BFSP1: variants seen among roughly 807,000 people sequenced by gnomAD.
The protein encoded by BFSP1 is beaded filament structural protein 1, also known as filensin.
A neutral mutation model predicts 43.9 loss-of-function variants in BFSP1; 38 were observed. The ratio of observed to expected loss-of-function variants is 0.87; its 90% CI spans 0.67 to 1.14. The LOEUF (loss-of-function observed/expected upper bound fraction) is 1.14. BFSP1 is among the 50% of genes most tolerant of loss of function. The pLI is 0.00. For synonymous variants in BFSP1, 352 were observed against 354.8 expected, an observed-to-expected ratio of 0.99 and a Z score of 0.09; for missense variants, 850 against 875.1, an observed-to-expected ratio of 0.97 and a Z score of 0.36.
intron 1 of BFSP1, among the ~76,000 whole-genome samples, chr20:17,564,954 T>TG (rs1435998819): frequency 1.4e-5 from 2 of 146,660 alleles, no homozygotes; most frequent in Non-Finnish European, 3.0e-5. Context: ...TTTTTTGAGA[T>TG]GGAGTCTCAC....
rs909260121 is a variant in BFSP1, at chr20:17,543,632, A to G, written c.2+15056T>C. On this transcript the variant is annotated intron_variant, in intron 1 of 7. Coordinates refer to the BFSP1 transcript ENST00000377868. ...AATGCAGACTCATCCAAGTTATGCA[A>G]CATTATTACTGTTGATAGGTTACAA... is the stretch of plus-strand genomic sequence containing the variant. Among the ~76,000 whole-genome samples, 8 of 152,216 alleles carry G rather than the reference A, an allele frequency of 5.3e-5. 1 individual carries two copies. Among genetic ancestry groups the G allele is most frequent in the Admixed American group, 1.3e-4 (2 of 15,272 alleles).
chr20:17,529,954 C>CT (rs537524225), intron 1 of BFSP1, among the ~76,000 whole-genome samples: 224 of 152,220 alleles, frequency 1.5e-3, no homozygotes, highest in Non-Finnish European at 2.4e-3. Context: ...CAAATTGCAT[C>CT]TTTTTTTTAA....
intron 2 of BFSP1, chr20:17,517,351 A>AAAAC (rs769736044): frequency 2.0e-6 from 2 of 988,250 alleles, no homozygotes; most frequent in South Asian, 1.3e-5. Context: ...CAAACAAAAC[A>AAAAC]AAACAAACAA....
intron 5 of BFSP1, 70 bp downstream of exon 5, chr20:17,508,819 G>C: frequency 2.2e-6 from 3 of 1,351,412 alleles, no homozygotes; most frequent in Non-Finnish European, 3.0e-6. Flanking sequence ...CTGCATGCGT[G>C]TGCCTGCGCG....
chr20:17,551,263 T>G (rs2034891609), intron 1 of BFSP1, among the ~76,000 whole-genome samples: 1 of 152,128 alleles, frequency 6.6e-6, no homozygotes, highest in Non-Finnish European at 1.5e-5. Context: ...GAGTTTTTAC[T>G]CATGGTAGAA....
chr20:17,503,358 C>A (rs984921518), intron 5 of BFSP1, among the ~76,000 whole-genome samples: 2 of 152,172 alleles, frequency 1.3e-5, no homozygotes, highest in African/African-American at 4.8e-5. Context: ...TTGAAATCTT[C>A]CATAATAAAG....
Position 17,531,018 on chromosome 20 carries a change from G to C in BFSP1, c.312C>G (p.Ala104=). 1 of 1,431,156 alleles carries C rather than the reference G, an allele frequency of 7.0e-7. No individual in the cohort carries two copies. Among genetic ancestry groups the C allele is most frequent in the Non-Finnish European group, 9.1e-7 (1 of 1,096,562 alleles). 88.7% of individuals were successfully genotyped at this position (1,431,156 alleles called of 1,614,324 possible). ...CCTGGCGCTCCAGCCGGGCGCGCTC[G>C]GCCTCCAGGTCCCGGACGCGCTGGC... ...SNRQRVRDLE[A]ERARLERQGT... Residue 104 remains alanine (A), a synonymous_variant, in exon 1 of 8, where the codon GCC becomes GCG. Transcript: ENST00000377873.
At chr20:17,509,248 A>ACCCCC (rs1488015295) in intron 4 of BFSP1, among the ~76,000 whole-genome samples, 199 of 67,098 alleles carry the variant, frequency 3.0e-3, no homozygotes, top group African/African-American at 7.4e-3. Context: ...CAGAGCCCCC[A>ACCCCC]CCCCCACCCC....
rs1291046498 is a variant in BFSP1, at chr20:17,541,143, T to C, written c.3-16235A>G. The C allele has an allele frequency of 8.0e-6, 4 of 502,874 alleles. No individual in the cohort carries two copies. The Admixed American group carries it at 1.9e-4, about 24-fold the overall frequency. 31.2% of individuals were successfully genotyped at this position (502,874 alleles called of 1,614,324 possible). On this transcript the variant is annotated intron_variant, in intron 1 of 7. Transcript: ENST00000377868. ...AGTTCAAGGCTGCAGTGAGCAATGA[T>C]CATTCCTGTGAATAGCCACTGCACC...
At chr20:17,548,484 T>A (rs2123575807) in intron 1 of BFSP1, among the ~76,000 whole-genome samples, 1 of 152,314 alleles carries the variant, frequency 6.6e-6, no homozygotes, top group African/African-American at 2.4e-5. Flanking sequence ...CACAAATTTA[T>A]CTGTTCCTGC....
chr20:17,514,710 G>A lies in BFSP1; in HGVS notation c.534+11C>T, dbSNP rs2034159822. 9 of 1,613,140 alleles carry A rather than the reference G, an allele frequency of 5.6e-6. No individual in the cohort carries two copies. Among genetic ancestry groups the A allele is most frequent in the Non-Finnish European group, 6.8e-6 (8 of 1,179,224 alleles). ...TTTTCTAGAGGAAGGGCTTCAAGGG[G>A]TCATGATTACCTTCTTGTGCCTGTC... On this transcript the variant is annotated intron_variant, in intron 3 of 7. Coordinates refer to ENST00000377873, the MANE Select transcript of BFSP1 (RefSeq NM_001195.5).
At chr20:17,532,095 C>A (rs2123540629), upstream of BFSP1, among the ~76,000 whole-genome samples, 1 of 152,208 alleles carries the variant, frequency 6.6e-6, no homozygotes, top group Admixed American at 6.5e-5. Flanking sequence ...GACATGCTTT[C>A]TTGAATGGAA....
chr20:17,537,570 A>G (rs1248260676), intron 1 of BFSP1, among the ~76,000 whole-genome samples: 2 of 145,710 alleles, frequency 1.4e-5, no homozygotes, highest in Non-Finnish European at 3.1e-5. Flanking sequence ...TGAAGCACCA[A>G]AAAAAAAAAA....
intron 5 of BFSP1, among the ~76,000 whole-genome samples, chr20:17,503,201 A>T (rs78669437): frequency 1.1e-3 from 166 of 151,632 alleles, no homozygotes; most frequent in Non-Finnish European, 1.5e-3. Context: ...TTAAAAAAAA[A>T]TTTTTTTTTG....
At chr20:17,527,909 G>A (rs1436335088) in intron 1 of BFSP1, among the ~76,000 whole-genome samples, 1 of 152,090 alleles carries the variant, frequency 6.6e-6, no homozygotes, top group Non-Finnish European at 1.5e-5. Flanking sequence ...GTTGTATTTT[G>A]ATAGTTTTGT....
chr20:17,517,121 G>A (rs545058284), intron 2 of BFSP1: 1 of 806,490 alleles, frequency 1.2e-6, no homozygotes, highest in Admixed American at 1.7e-5. Flanking sequence ...ATAAGCACAA[G>A]AGGAAGAAGA....
chr20:17,503,570 G>T (rs1156861648), intron 5 of BFSP1, among the ~76,000 whole-genome samples: 1 of 152,176 alleles, frequency 6.6e-6, no homozygotes, highest in African/African-American at 2.4e-5. Context: ...CCACTTTACA[G>T]ATGAGGAAAC....
intron 1 of BFSP1, chr20:17,540,939 A>G (rs2034705726): frequency 6.6e-6 from 1 of 152,230 alleles, no homozygotes. Flanking sequence ...CTCGTTAGAT[A>G]CTAGGAACGC....
intron 6 of BFSP1, 54 bp from the exon 7 acceptor site, chr20:17,497,077 ACT>A: frequency 1.5e-6 from 2 of 1,352,816 alleles, no homozygotes; most frequent in East Asian, 5.4e-5. Context: ...GGCAAGAGCG[ACT>A]CTCGTTAATG....
Sources: allele counts gnomAD v4.1 joint callset (sites outside exome capture counted in the v4.1 genomes callset), GRCh38; gene constraint gnomAD v4.1.1; transcripts MANE v1.5; gene names NCBI Gene and HGNC (gene_info 2026-07-23, HGNC 2026-07-21).